Variants in SUCLG2 observed in about 807,000 individuals in gnomAD.
SUCLG2 encodes the protein succinate-CoA ligase GDP-forming subunit beta, also known as succinate--CoA ligase [GDP-forming] subunit beta, mitochondrial.
In SUCLG2, 42 loss-of-function variants were observed where a neutral mutation model predicts 47.9. The observed-to-expected ratio is 0.88, with a 90% CI of 0.69 to 1.14. The LOEUF is 1.14. Among genes scored for constraint, SUCLG2 ranks in the 50% most tolerant of loss-of-function variants. SUCLG2 has a pLI of 0.00. For synonymous variants in SUCLG2, 195 were observed against 197.3 expected (o/e 0.99, Z 0.10); for missense variants, 571 against 525.9 (o/e 1.09, Z -0.84).
rs924041640 is a variant in SUCLG2 at position 67,392,475 on chromosome 3, C to G, written c.1183+8256G>C. ...CTGATCAAAGTATTAGTTAGGCTAG[C>G]TTTCTTAGATCGAATATATCAATTT... On this transcript the variant is annotated intron_variant, in intron 10 of 10. Transcript: ENST00000307227. Among the ~76,000 whole-genome samples the G allele has an allele frequency of 2.6e-5, 4 of 152,218 alleles. No individual in the cohort carries two copies. The East Asian group carries it at 7.7e-4, about 29-fold the overall frequency.
At chr3:67,462,543 G>A (rs1052942101) in intron 9 of SUCLG2, among the ~76,000 whole-genome samples, 1 of 152,218 alleles carries the variant, frequency 6.6e-6, no homozygotes, top group Admixed American at 6.5e-5. Context: ...GGAGGTTTCT[G>A]TAGGGCGGCA....
chr3:67,426,342 G>T (rs1703300980), intron 9 of SUCLG2, among the ~76,000 whole-genome samples: 1 of 151,982 alleles, frequency 6.6e-6, no homozygotes, highest in Admixed American at 6.6e-5. Flanking sequence ...GAATATATTA[G>T]GTGAAAAAGA....
At chr3:67,446,666 T>G (rs972501747) in intron 9 of SUCLG2, among the ~76,000 whole-genome samples, 2 of 151,638 alleles carry the variant, frequency 1.3e-5, no homozygotes, top group Admixed American at 6.6e-5. Context: ...ACTCCTGACG[T>G]TGTGATGTGC....
At chr3:67,591,382 C>G (rs1708161434) in intron 2 of SUCLG2, among the ~76,000 whole-genome samples, 2 of 152,124 alleles carry the variant, frequency 1.3e-5, no homozygotes, top group African/African-American at 2.4e-5. Context: ...AGTCAAAACC[C>G]CTTTTCACAA....
chr3:67,383,124 C>T (rs1702193310), intron 10 of SUCLG2, among the ~76,000 whole-genome samples: 1 of 152,220 alleles, frequency 6.6e-6, no homozygotes, highest in East Asian at 1.9e-4. Context: ...TAATACCTAG[C>T]ACCGTGCTTG....
intron 1 of SUCLG2, among the ~76,000 whole-genome samples, chr3:67,652,576 G>A (rs901880285): frequency 1.3e-5 from 2 of 152,068 alleles, no homozygotes; most frequent in Non-Finnish European, 2.9e-5. Context: ...ATTCTAAGAT[G>A]GTCATAAAGA....
chr3:67,616,042 T>A (rs940689505), intron 1 of SUCLG2, among the ~76,000 whole-genome samples: 2 of 151,932 alleles, frequency 1.3e-5, no homozygotes, highest in African/African-American at 2.4e-5. Flanking sequence ...CTCTTGTAGC[T>A]AGTATGCCAA....
chr3:67,549,584 T>C (rs934385342), intron 2 of SUCLG2, among the ~76,000 whole-genome samples: 6 of 152,230 alleles, frequency 3.9e-5, no homozygotes, highest in Admixed American at 6.5e-5. Context: ...TCCTTCTTTA[T>C]AGTTTTGTTA....
At chr3:67,641,527 A>C (rs1306792124) in intron 1 of SUCLG2, among the ~76,000 whole-genome samples, 1 of 152,242 alleles carries the variant, frequency 6.6e-6, no homozygotes, top group African/African-American at 2.4e-5. Context: ...GATCAAAAAA[A>C]TCAACCACAC....
chr3:67,420,536 A>G (rs1025841554), intron 9 of SUCLG2, among the ~76,000 whole-genome samples: 2 of 152,184 alleles, frequency 1.3e-5, no homozygotes, highest in African/African-American at 4.8e-5. Context: ...TTTTCTTGTT[A>G]CTGATTTGCA....
chr3:67,556,900 A>G (rs1707177365), intron 2 of SUCLG2, among the ~76,000 whole-genome samples: 1 of 152,228 alleles, frequency 6.6e-6, no homozygotes, highest in Admixed American at 6.5e-5. Context: ...GAATGGAAAT[A>G]ACACAAGTAA....
At chr3:67,593,238 G>A (rs114868721) in intron 2 of SUCLG2, among the ~76,000 whole-genome samples, 106 of 135,738 alleles carry the variant, frequency 7.8e-4, no homozygotes, top group African/African-American at 1.7e-3. Context: ...TACCCTATAG[G>A]ATATTTGCAT....
intron 9 of SUCLG2, among the ~76,000 whole-genome samples, chr3:67,461,152 G>T (rs1473678043): frequency 6.6e-6 from 1 of 152,082 alleles, no homozygotes. Flanking sequence ...TTAAGAAAAT[G>T]CCTTTTAAAA....
chr3:67,650,721 C>T (rs1038292969), intron 1 of SUCLG2, among the ~76,000 whole-genome samples: 1 of 152,174 alleles, frequency 6.6e-6, no homozygotes. Context: ...CAGGCCACCG[C>T]ACTCCAGCCT....
At chr3:67,396,446 C>G (rs1179605557) in intron 10 of SUCLG2, among the ~76,000 whole-genome samples, 3 of 152,132 alleles carry the variant, frequency 2.0e-5, no homozygotes, top group African/African-American at 7.2e-5. Context: ...TTCCTTGACA[C>G]ATACACCCTC....
At chr3:67,403,675 G>T (rs1702740052) in intron 9 of SUCLG2, among the ~76,000 whole-genome samples, 1 of 152,216 alleles carries the variant, frequency 6.6e-6, no homozygotes, top group Middle Eastern at 3.4e-3. Flanking sequence ...TTTGGAATAG[G>T]TGAGGTTCTA....
At chr3:67,621,559 G>A (rs896238483) in intron 1 of SUCLG2, among the ~76,000 whole-genome samples, 2 of 152,178 alleles carry the variant, frequency 1.3e-5, no homozygotes, top group African/African-American at 4.8e-5. Context: ...TCTATAACAG[G>A]TAATTGGGTT....
At position 67,553,479 on chromosome 3, in the gene SUCLG2, A is replaced by G. The variant is rs144276003; in HGVS notation, c.227-24293T>C. ...TAAGTTTAAAATGTAATTCACTTTC[A>G]AGGGGGCTTTTGGACTTAAATAATT... On this transcript the variant is annotated intron_variant, in intron 2 of 10. Coordinates refer to ENST00000307227, the MANE Select transcript of SUCLG2 (RefSeq NM_003848.4). Among the ~76,000 whole-genome samples the G allele has an allele frequency of 6.6e-3, 1,004 of 152,358 alleles. 5 individuals are homozygous for G. The highest frequency in any genetic ancestry group is 0.023 in the African/African-American group (956 of 41,586).
intron 2 of SUCLG2, among the ~76,000 whole-genome samples, chr3:67,548,872 T>C (rs527891676): frequency 1.3e-5 from 2 of 152,288 alleles, no homozygotes; most frequent in East Asian, 3.9e-4. Context: ...GGTATGAGAC[T>C]ATCCAAAGGC....
Sources: gnomAD v4.1 joint callset for allele counts (sites outside exome capture counted in the v4.1 genomes callset) on GRCh38, gnomAD v4.1.1 for gene constraint, MANE v1.5 for transcripts, NCBI Gene and HGNC (gene_info 2026-07-23, HGNC 2026-07-21) for gene names.